LHCGR: variants seen among roughly 807,000 people sequenced by gnomAD.
LHCGR encodes luteinizing hormone/choriogonadotropin receptor.
A neutral mutation model predicts 60.7 loss-of-function variants in LHCGR; 55 were observed. The observed-to-expected ratio is 0.91, with a 90% confidence interval of 0.73 to 1.13. The LOEUF (loss-of-function observed/expected upper bound fraction) is 1.13. LHCGR is among the 50% of genes most tolerant of loss of function. The pLI, the probability that LHCGR is intolerant of heterozygous loss-of-function variation, is 0.00. For missense variants in LHCGR, 862 were observed against 836.0 expected (o/e 1.03, Z -0.38); for synonymous variants, 337 against 316.5 (o/e 1.06, Z -0.69).
rs765826104 is a variant in LHCGR at position 48,723,425 on chromosome 2, T to C, written c.536+31A>G. 9 of 1,480,026 alleles carry C rather than the reference T, an allele frequency of 6.1e-6. No homozygotes were observed. In the South Asian group the frequency reaches 7.9e-5, roughly 13 times the overall value. The allele number at this position is 1,480,026 out of a possible 1,614,324, so 91.7% of individuals were successfully genotyped here. A position where few individuals can be genotyped will look rare whatever the true frequency, so the allele number is the denominator to read the frequency against. ...GTAGTGAGACTAGCAGGAGGCTGTATGGCAGAACACAAATCTGGGAGTTTA... is the reference window on the plus strand; with the variant it reads ...GTAGTGAGACTAGCAGGAGGCTGTACGGCAGAACACAAATCTGGGAGTTTA... On this transcript the variant is annotated intron_variant, in intron 6 of 10. Transcript: ENST00000294954.
chr2:48,716,499 A>G (rs1047491264), intron 6 of LHCGR, among the ~76,000 whole-genome samples: 8 of 152,052 alleles, frequency 5.3e-5, no homozygotes. Context: ...AAAGCAATGG[A>G]GGCAAAGCCA....
chr2:48,731,335 T>A (rs1161712151), intron 1 of LHCGR, 37 bp from the exon 2 acceptor site: 1 of 1,450,806 alleles, frequency 6.9e-7, no homozygotes, highest in Admixed American at 1.7e-5. Context: ...AGTTTAAGAT[T>A]TATGATAGGG....
In LHCGR at chr2:48,688,545, C is replaced by T; in HGVS notation, c.1252G>A (p.Val418Ile). Residue 418 changes from valine (V) to isoleucine (I), a missense_variant, in exon 11 of 11, where the codon GTT becomes ATT. Transcript: ENST00000294954. The surrounding 1 kb of genome is among the most constrained non-coding windows in gnomAD (Gnocchi z 5.2). ...TACTGGCCCTTGGTTTGGGAATCAA[C>T]TGAGGCTATGAGCAGCAGATAGAGC... ...MGLYLLLIAS[V>I]DSQTKGQYYN... The T allele has an allele frequency of 6.2e-7, 1 of 1,614,168 alleles. No homozygotes were observed.
Position 48,713,984 on chromosome 2 carries a change from A to G in LHCGR, c.605+2T>C. On this transcript the variant is annotated splice_donor_variant, in intron 7 of 10. Coordinates refer to ENST00000294954, the MANE Select transcript of LHCGR (RefSeq NM_000233.4). LOFTEE classifies it high-confidence loss of function. ...GAGCTGGGGAAATAAGCAAATACTT[A>G]CAGTGAAGTCAGTGTCGTCCCATTG... 1 of 1,594,634 alleles carries G rather than the reference A, an allele frequency of 6.3e-7. No homozygotes were observed. The highest frequency in any genetic ancestry group is 8.6e-7 in the Non-Finnish European group (1 of 1,162,218).
At chr2:48,718,753 T>C (rs1668370534) in intron 6 of LHCGR, among the ~76,000 whole-genome samples, 1 of 152,172 alleles carries the variant, frequency 6.6e-6, no homozygotes, top group African/African-American at 2.4e-5. Flanking sequence ...GACACTTCTC[T>C]AGTGGATGTG....
intron 1 of LHCGR, among the ~76,000 whole-genome samples, chr2:48,753,175 GT>G (rs1461338551): frequency 6.6e-6 from 1 of 152,136 alleles, no homozygotes; most frequent in African/African-American, 2.4e-5. Context: ...GATTCAGTAG[GT>G]TGGGGCTGAG....
At chr2:48,723,780 C>A (rs1668602558) in intron 4 of LHCGR, 84 bp from the exon 5 acceptor site, 1 of 1,028,796 alleles carries the variant, frequency 9.7e-7, no homozygotes, top group South Asian at 1.3e-5. Context: ...AAAGAGAGTA[C>A]AAAGGCATTT....
chr2:48,713,356 C>CA (rs1668086213), intron 7 of LHCGR, among the ~76,000 whole-genome samples: 2 of 152,120 alleles, frequency 1.3e-5, no homozygotes, highest in Admixed American at 6.5e-5. Flanking sequence ...CAAATGTCCC[C>CA]AGCCCCACAA....
intron 10 of LHCGR, among the ~76,000 whole-genome samples, chr2:48,689,162 CACATA>C: frequency 6.6e-6 from 1 of 150,854 alleles, no homozygotes; most frequent in Non-Finnish European, 1.5e-5. Context: ...CATATATACA[CACATA>C]TATACATATA....
intron 1 of LHCGR, among the ~76,000 whole-genome samples, chr2:48,734,819 C>A: frequency 6.6e-6 from 1 of 152,146 alleles, no homozygotes; most frequent in South Asian, 2.1e-4. Flanking sequence ...AGGACAGAGC[C>A]CTTTCTGTCT....
chr2:48,754,241 T>A (rs1007240455), intron 1 of LHCGR, among the ~76,000 whole-genome samples: 24 of 152,164 alleles, frequency 1.6e-4, no homozygotes, highest in Non-Finnish European at 2.9e-4. Context: ...AGAAGGCCTT[T>A]AACTTTTCCA....
chr2:48,698,513 G>A, intron 9 of LHCGR, 102 bp downstream of exon 9: 2 of 900,904 alleles, frequency 2.2e-6, no homozygotes, highest in South Asian at 1.3e-5. Context: ...TGGCCAAGAA[G>A]GTAGGGAGTG....
chr2:48,690,603 G>A (rs1457870595), intron 10 of LHCGR, among the ~76,000 whole-genome samples: 1 of 152,112 alleles, frequency 6.6e-6, no homozygotes, highest in African/African-American at 2.4e-5. Context: ...AAGTTCTACT[G>A]TTTCACTCCT....
chr2:48,750,879 A>T (rs1669925963), intron 1 of LHCGR, among the ~76,000 whole-genome samples: 1 of 152,242 alleles, frequency 6.6e-6, no homozygotes, highest in South Asian at 2.1e-4. Flanking sequence ...TTGGGAAGGC[A>T]GCGCTCCTGG....
chr2:48,709,155 G>T, intron 7 of LHCGR, 133 bp from the exon 8 acceptor site: 2 of 733,264 alleles, frequency 2.7e-6, no homozygotes, highest in South Asian at 2.9e-5. Context: ...GGTAAGTGGA[G>T]GGAAAGTGGG....
chr2:48,700,467 G>A (rs966242867), intron 8 of LHCGR, among the ~76,000 whole-genome samples: 1 of 152,156 alleles, frequency 6.6e-6, no homozygotes, highest in Non-Finnish European at 1.5e-5. Context: ...ACATGAGAGT[G>A]TAGGGGTCTG....
At chr2:48,748,903 C>G (rs1669826234) in intron 1 of LHCGR, among the ~76,000 whole-genome samples, 1 of 152,164 alleles carries the variant, frequency 6.6e-6, no homozygotes, top group African/African-American at 2.4e-5. Context: ...TCTGCCCAGT[C>G]TGTCCTGTTG....
chr2:48,708,820 A>G lies in LHCGR; in HGVS notation c.680+128T>C, dbSNP rs150377902. On this transcript the variant is annotated intron_variant, in intron 8 of 10. Transcript: ENST00000294954. ...AGCTGTGATACACTTTGTCTTTCCA[A>G]CAGCAGCCTTTTCAGGTGTAGAGGC... 542 of 805,472 alleles carry G rather than the reference A, an allele frequency of 6.7e-4. 2 individuals carry two copies. In the African/African-American group the frequency reaches 8.3e-3, roughly 12 times the overall value. The allele number at this position is 805,472 out of a possible 1,614,324, so 49.9% of individuals were successfully genotyped here. A position where few individuals can be genotyped will look rare whatever the true frequency, so the allele number is the denominator to read the frequency against.
chr2:48,710,507 A>G (rs1328279362), intron 7 of LHCGR, among the ~76,000 whole-genome samples: 1 of 152,240 alleles, frequency 6.6e-6, no homozygotes, highest in Non-Finnish European at 1.5e-5. Flanking sequence ...GTATTATGCA[A>G]CTTGGTCAAA....
Sources: gnomAD v4.1 joint callset for allele counts (sites outside exome capture counted in the v4.1 genomes callset) on GRCh38, gnomAD v4.1.1 for gene constraint, Gnocchi (gnomAD v3.1) non-coding constraint, MANE v1.5 for transcripts, NCBI Gene and HGNC (gene_info 2026-07-23, HGNC 2026-07-21) for gene names.